USP36: variants seen among roughly 807,000 people sequenced by gnomAD.
USP36 encodes the protein ubiquitin specific peptidase 36.
In USP36, 59 loss-of-function variants were observed where a neutral mutation model predicts 111.5. The ratio of observed to expected loss-of-function variants is 0.53; its 90% CI spans 0.43 to 0.66. The LOEUF (loss-of-function observed/expected upper bound fraction) is 0.66, where lower values mean the gene tolerates loss of function less well. Ranked by LOEUF, USP36 falls within the 30% of genes least tolerant of loss-of-function variation. USP36 has a pLI of 0.00. For missense variants in USP36, 1,488 were observed against 1,468.0 expected (o/e 1.01, Z -0.22); for synonymous variants, 628 against 581.0 (o/e 1.08, Z -1.16).
chr17:78,792,364 C>A (rs1415081405), downstream of USP36, among the ~76,000 whole-genome samples: 1 of 152,034 alleles, frequency 6.6e-6, no homozygotes, highest in Admixed American at 6.6e-5. Context: ...GGGGTGCCAG[C>A]ATACACAGAG....
chr17:78,827,202 A>G, intron 6 of USP36, 43 bp downstream of exon 6: 1 of 1,312,996 alleles, frequency 7.6e-7, no homozygotes, highest in Non-Finnish European at 1.0e-6. Flanking sequence ...CCATGTAGAA[A>G]AGGTGTCCAA....
At position 78,837,897 on chromosome 17, in the gene USP36, T is replaced by C. The variant is rs369498906; in HGVS notation, c.-10+690A>G. On this transcript the variant is annotated intron_variant, in intron 2 of 20. Transcript: ENST00000449938. ...ACTGTGGATCATCTAATTCTATACATGGATCAAGTATCTTTTTCTACAAAA... is the reference window on the plus strand; with the variant it reads ...ACTGTGGATCATCTAATTCTATACACGGATCAAGTATCTTTTTCTACAAAA... Among the ~76,000 whole-genome samples, 15 of 152,320 alleles carry C rather than the reference T, an allele frequency of 9.8e-5. 4 individuals carry two copies. The highest frequency in any genetic ancestry group is 7.2e-5 in the African/African-American group (3 of 41,570).
chr17:78,806,081 A>G, intron 15 of USP36, 75 bp downstream of exon 15: 2 of 1,603,632 alleles, frequency 1.2e-6, no homozygotes, highest in Non-Finnish European at 1.7e-6. Flanking sequence ...GATTCGTCCA[A>G]CTCCTCACCA....
intron 13 of USP36, among the ~76,000 whole-genome samples, chr17:78,811,778 G>A (rs1048625793): frequency 2.6e-5 from 4 of 152,050 alleles, no homozygotes; most frequent in African/African-American, 9.7e-5. Context: ...TGAGGCAGGA[G>A]AATCGCTTGA....
In USP36 at chr17:78,812,516, C is replaced by T. The variant is rs532463638; in HGVS notation, c.1407+344G>A. 9.2e-5 allele frequency among the ~76,000 whole-genome samples: 14 copies of T among 151,632 alleles called. 1 individual carries two copies. Among genetic ancestry groups the T allele is most frequent in the African/African-American group, 2.7e-4 (11 of 41,316 alleles). On this transcript the variant is annotated intron_variant, in intron 13 of 20. Transcript: ENST00000449938. Reference sequence around the variant, plus strand: ...CATCCTGGCTAACACGGTGAAACCCCGTCTCTACTAAAAATACAAAAAAAA... The same window carrying T: ...CATCCTGGCTAACACGGTGAAACCCTGTCTCTACTAAAAATACAAAAAAAA...
At chr17:78,809,605 G>A (rs751879652) in intron 13 of USP36, among the ~76,000 whole-genome samples, 9 of 152,156 alleles carry the variant, frequency 5.9e-5, no homozygotes, top group Non-Finnish European at 4.4e-5. Flanking sequence ...TGCCCATGGA[G>A]TTCCTGTGGC....
Position 78,836,244 on chromosome 17 carries a change from G to C in USP36, c.120C>G (p.Ile40Met). ...SSAKKVLLQK[I>M]EFEPASKSFS... is the part of the protein sequence containing the mutation. The stretch of plus-strand genomic sequence containing the variant: ...AGCTCTTGCTGGCTGGCTCGAACTC[G>C]ATTTTCTGTAAAAGGACCTTCTTGG... The change falls in exon 3 of 21, where the codon ATC (isoleucine) becomes ATG (methionine). Residue 40 changes from isoleucine to methionine, a missense_variant. Coordinates refer to ENST00000449938, the MANE Select transcript of USP36 (RefSeq NM_001385174.1). 1 of 1,614,062 alleles carries C rather than the reference G, an allele frequency of 6.2e-7. No individual in the cohort carries two copies. The highest frequency in any genetic ancestry group is 1.3e-5 in the African/African-American group (1 of 75,014).
intron 6 of USP36, among the ~76,000 whole-genome samples, chr17:78,825,740 G>A (rs369473181): frequency 8.6e-5 from 13 of 151,664 alleles, no homozygotes; most frequent in African/African-American, 2.9e-4. Context: ...TCCTAAGAGC[G>A]CTCCAGGTGG....
Position 78,802,374 on chromosome 17 carries a change from G to C in USP36, c.2972C>G (p.Ser991Cys), listed in dbSNP as rs1400408204. ...AKPQDAVVPE[S>C]SSCAPSANGW... Reference sequence around the variant, plus strand: ...ATTCGCGGATGGTGCGCAGCTGCTGGACTCGGGGACAACAGCATCTTGGGG... The same window carrying C: ...ATTCGCGGATGGTGCGCAGCTGCTGCACTCGGGGACAACAGCATCTTGGGG... The change falls in exon 17 of 21, where the codon TCC becomes TGC. Residue 991 changes from serine (S) to cysteine (C), a missense_variant. Ser to Cys is a moderately radical substitution (Grantham distance 112, BLOSUM62 -1). Transcript: ENST00000449938. 8 of 1,606,150 alleles carry C rather than the reference G, an allele frequency of 5.0e-6. No individual in the cohort carries two copies. The highest frequency in any genetic ancestry group is 5.9e-6 in the Non-Finnish European group (7 of 1,176,596).
At chr17:78,815,229 G>A (rs764829799) in intron 10 of USP36, among the ~76,000 whole-genome samples, 1 of 152,114 alleles carries the variant, frequency 6.6e-6, no homozygotes, top group African/African-American at 2.4e-5. Flanking sequence ...CTACTCAGGA[G>A]GCTGAGGCAG....
Position 78,806,241 on chromosome 17 carries a change from G to A in USP36, c.2131C>T (p.Pro711Ser), listed in dbSNP as rs772675333. 14 of 1,613,732 alleles carry A rather than the reference G, an allele frequency of 8.7e-6. No individual in the cohort carries two copies. The highest frequency in any genetic ancestry group is 1.1e-5 in the Non-Finnish European group (13 of 1,180,022). Reference protein sequence around the residue: ...RATGNDLRPPPPSPSSDLTHP... With the variant: ...RATGNDLRPPSPSPSSDLTHP... Reference sequence around the variant, plus strand: ...GTGAGGTCGGAGGATGGTGAGGGGGGAGGTGGACGGAGGTCATTGCCGGTC... The same window carrying A: ...GTGAGGTCGGAGGATGGTGAGGGGGAAGGTGGACGGAGGTCATTGCCGGTC... The change falls in exon 15 of 21, where the codon CCC becomes TCC. Residue 711 changes from proline (P) to serine (S), a missense_variant. Transcript: ENST00000449938.
intron 9 of USP36, among the ~76,000 whole-genome samples, chr17:78,819,461 T>C (rs548766247): frequency 1.4e-4 from 21 of 152,250 alleles, no homozygotes; most frequent in African/African-American, 4.8e-4. Context: ...AACGGAAAAA[T>C]GTCCAAAACC....
chr17:78,807,734 G>C (rs1171380903), intron 13 of USP36, 98 bp from the exon 14 acceptor site: 3 of 1,205,742 alleles, frequency 2.5e-6, no homozygotes, highest in East Asian at 5.0e-5. Context: ...AGCAGGCATG[G>C]CCTCTGATTA....
intron 16 of USP36, among the ~76,000 whole-genome samples, chr17:78,802,879 A>G (rs1297234861): frequency 6.6e-6 from 1 of 152,128 alleles, no homozygotes; most frequent in Non-Finnish European, 1.5e-5. Flanking sequence ...GATGGACACT[A>G]CTGTCCACAC....
At chr17:78,820,467 G>A (rs117389925) in intron 8 of USP36, among the ~76,000 whole-genome samples, 2,181 of 152,188 alleles carry the variant, frequency 0.014, 21 homozygotes, top group Non-Finnish European at 0.023. Flanking sequence ...TGTCCCTCAA[G>A]CCCCTATAAA....
chr17:78,806,524 G>A (rs1231747601), intron 14 of USP36, among the ~76,000 whole-genome samples: 1 of 152,212 alleles, frequency 6.6e-6, no homozygotes, highest in Non-Finnish European at 1.5e-5. Flanking sequence ...AAAAATCTCA[G>A]CACAACAATC....
chr17:78,803,830 C>T lies in USP36; in HGVS notation c.2365G>A (p.Glu789Lys), dbSNP rs756447523. 7.4e-6 allele frequency: 12 copies of T among 1,612,064 alleles called. No homozygotes were observed. Among genetic ancestry groups the T allele is most frequent in the African/African-American group, 4.0e-5 (3 of 74,554 alleles). The part of the protein sequence containing the change: ...SISTALPQVN[E>K]DLVSLPHQLP... The stretch of plus-strand genomic sequence containing the variant: ...TGGTGTGGAAGAGACACAAGGTCCT[C>T]GTTGACCTGAGGCAGCGCCGTCGAG... The change falls in exon 16 of 21, where the codon GAG (glutamate) becomes AAG (lysine). Residue 789 changes from glutamate (E) to lysine (K), a missense_variant. Around this residue, in one of 3 missense-constraint regions of USP36, gnomAD observed 1,073 missense variants for 994.1 expected, o/e 1.08. Coordinates refer to ENST00000449938, the MANE Select transcript of USP36 (RefSeq NM_001385174.1). The surrounding 1 kb of genome is among the most constrained non-coding windows in gnomAD (Gnocchi z 4.6).
intron 10 of USP36, among the ~76,000 whole-genome samples, chr17:78,816,279 C>T (rs56743348): frequency 0.059 from 8,995 of 151,986 alleles, 867 homozygotes; most frequent in African/African-American, 0.2. Context: ...CCTATCTCTA[C>T]CTCCCAAGTA....
intron 4 of USP36, among the ~76,000 whole-genome samples, chr17:78,830,124 C>T (rs1244239136): frequency 1.3e-5 from 2 of 152,276 alleles, no homozygotes; most frequent in Non-Finnish European, 2.9e-5. Flanking sequence ...CTCTCTCAAC[C>T]CCATTTTCCA....
Sources: allele counts gnomAD v4.1 joint callset (sites outside exome capture counted in the v4.1 genomes callset), GRCh38; gene constraint gnomAD v4.1.1; regional missense constraint gnomAD v4.1.1; non-coding constraint Gnocchi (gnomAD v3.1); transcripts MANE v1.5; gene names NCBI Gene and HGNC (gene_info 2026-07-23, HGNC 2026-07-21).